The following POLQ variants were observed in gnomAD, a reference collection of about 807,000 sequenced individuals.
POLQ encodes DNA polymerase theta, also known as epididymis secretory sperm binding protein.
Under a neutral mutation model 259.2 loss-of-function variants are expected in POLQ, and 233 were observed. The observed-to-expected ratio is 0.90, with a 90% CI of 0.81 to 1.00. The LOEUF (loss-of-function observed/expected upper bound fraction) is 1.00. Among genes scored for constraint, POLQ ranks in the 50% least tolerant of loss-of-function variants. The probability of loss-of-function intolerance (pLI) is 0.00; values close to 1 mark genes in which losing one functional copy is unlikely to be tolerated. For missense variants in POLQ, 2,871 were observed against 3,051.6 expected (o/e 0.94, Z 1.39); for synonymous variants, 1,025 against 1,048.8 (o/e 0.98, Z 0.44).
In POLQ at chr3:121,459,575, G is replaced by C. The variant is rs1261514083; in HGVS notation, c.7152+475C>G. 2.0e-5 allele frequency among the ~76,000 whole-genome samples: 3 copies of C among 151,986 alleles called. No homozygotes were observed. The South Asian group carries it at 6.2e-4, about 32-fold the overall frequency. On this transcript the variant is annotated intron_variant, in intron 25 of 29. Coordinates refer to ENST00000264233, the MANE Select transcript of POLQ (RefSeq NM_199420.4). Reference sequence around the variant, plus strand: ...TTTTTGTATTTTTAGTAGAGACGGGGTTTCACTGTGTTAGCCAGGATAGTC... The same window carrying C: ...TTTTTGTATTTTTAGTAGAGACGGGCTTTCACTGTGTTAGCCAGGATAGTC...
chr3:121,509,676 C>T lies in POLQ; in HGVS notation c.1844G>A (p.Gly615Asp), dbSNP rs758122342. The T allele has an allele frequency of 1.9e-6, 3 of 1,613,698 alleles. No individual in the cohort carries two copies. Among genetic ancestry groups the T allele is most frequent in the Middle Eastern group, 1.7e-4 (1 of 6,056 alleles). Reference sequence around the variant, plus strand: ...AAGTGAAGAAGAAAGAGTGGCCGAACCAAGATGTGTTGGATGATACACCTT... The same window carrying T: ...AAGTGAAGAAGAAAGAGTGGCCGAATCAAGATGTGTTGGATGATACACCTT... ...EGKVYHPTHL[G>D]SATLSSSLSP... The change falls in exon 12 of 30, where the codon GGT becomes GAT. Residue 615 changes from glycine to aspartate, a missense_variant. By Grantham distance (94) the Gly-to-Asp change is moderately conservative. This residue lies in a region of POLQ where 783 missense variants were observed against 906.2 expected (regional missense o/e 0.86). Transcript: ENST00000264233.
Position 121,476,586 on chromosome 3 carries a change from A to G in POLQ, c.6359T>C (p.Leu2120Pro). 3 of 1,613,926 alleles carry G rather than the reference A, an allele frequency of 1.9e-6. No individual in the cohort carries two copies. Among genetic ancestry groups the G allele is most frequent in the Non-Finnish European group, 2.5e-6 (3 of 1,179,892 alleles). ...LDAIETQAYQLAGHSFSFTSS... is the reference protein window; with the variant it reads ...LDAIETQAYQPAGHSFSFTSS... ...GGTGAAAGAAAAACTGTGGCCAGCT[A>G]GTTGATAGGCCTGGGTCTCAATTGC... The change falls in exon 20 of 30, where the codon CTA becomes CCA. Residue 2120 changes from leucine (L) to proline (P), a missense_variant. Transcript: ENST00000264233.
intron 4 of POLQ, among the ~76,000 whole-genome samples, chr3:121,538,733 A>G (rs184693220): frequency 8.5e-5 from 13 of 152,246 alleles, no homozygotes; most frequent in Admixed American, 6.5e-4. Context: ...TCTGATACAA[A>G]TCAATTGCAA....
At chr3:121,503,417 A>G (rs2108804841) in intron 12 of POLQ, among the ~76,000 whole-genome samples, 1 of 152,360 alleles carries the variant, frequency 6.6e-6, no homozygotes, top group Non-Finnish European at 1.5e-5. Context: ...TCATTCAAAA[A>G]AGAGCAGTAA....
At chr3:121,471,307 A>C (rs1046762839) in intron 22 of POLQ, among the ~76,000 whole-genome samples, 10 of 152,046 alleles carry the variant, frequency 6.6e-5, no homozygotes, top group African/African-American at 2.4e-4. Flanking sequence ...CTCAGATTCA[A>C]CTTGGAGAAA....
intron 23 of POLQ, among the ~76,000 whole-genome samples, chr3:121,467,908 C>T (rs571260907): frequency 1.3e-5 from 2 of 152,276 alleles, no homozygotes; most frequent in African/African-American, 4.8e-5. Flanking sequence ...TGGCACACGC[C>T]TGTGGTCCCA....
intron 25 of POLQ, among the ~76,000 whole-genome samples, chr3:121,459,217 A>G (rs1251250747): frequency 6.6e-6 from 1 of 152,174 alleles, no homozygotes; most frequent in Admixed American, 6.5e-5. Context: ...CTAAAAAGCT[A>G]TCAGGTACTA....
intron 7 of POLQ, among the ~76,000 whole-genome samples, chr3:121,527,001 T>G (rs1037867055): frequency 6.6e-6 from 1 of 152,006 alleles, no homozygotes; most frequent in African/African-American, 2.4e-5. Flanking sequence ...CCTCCCAGGC[T>G]CAAACGATCC....
chr3:121,468,027 C>T (rs573617811), intron 23 of POLQ, among the ~76,000 whole-genome samples: 1 of 151,816 alleles, frequency 6.6e-6, no homozygotes, highest in Non-Finnish European at 1.5e-5. Context: ...AGCAAGACTC[C>T]GTCTCAAAAA....
At chr3:121,538,060 G>T (rs1283684849) in intron 4 of POLQ, among the ~76,000 whole-genome samples, 1 of 152,022 alleles carries the variant, frequency 6.6e-6, no homozygotes, top group Non-Finnish European at 1.5e-5. Context: ...TTCTAAATTG[G>T]CAACTTCACC....
At position 121,488,495 on chromosome 3, in the gene POLQ, G is replaced by A. The variant is rs1257074919; in HGVS notation, c.4436C>T (p.Pro1479Leu). Reference protein sequence around the residue: ...TGVEGECLPVPETSLNMSDSL... With the variant: ...TGVEGECLPVLETSLNMSDSL... ...ATCACTCATATTCAAACTTGTTTCA[G>A]GAACTGGAAGACATTCTCCTTCTAC... Residue 1479 changes from proline to leucine, a missense_variant, in exon 16 of 30, where the codon CCT becomes CTT. Pro to Leu is a moderately conservative substitution (Grantham distance 98). Transcript: ENST00000264233. The A allele has an allele frequency of 2.5e-6, 4 of 1,608,334 alleles. No individual in the cohort carries two copies. The highest frequency in any genetic ancestry group is 3.4e-6 in the Non-Finnish European group (4 of 1,178,006).
At chr3:121,477,489 AAC>A (rs751248807) in intron 19 of POLQ, among the ~76,000 whole-genome samples, 90 of 152,302 alleles carry the variant, frequency 5.9e-4, no homozygotes, top group Non-Finnish European at 1.0e-3. Context: ...TGAAACGTAA[AAC>A]ACTTCTGGTC....
chr3:121,534,755 A>G (rs1218136206), intron 5 of POLQ, among the ~76,000 whole-genome samples: 1 of 152,164 alleles, frequency 6.6e-6, no homozygotes, highest in African/African-American at 2.4e-5. Flanking sequence ...TTGTTAAGAG[A>G]TATTTTTATT....
chr3:121,474,105 C>T lies in POLQ; in HGVS notation c.6406-618G>A, dbSNP rs1440314341. On this transcript the variant is annotated intron_variant, in intron 20 of 29. Coordinates refer to ENST00000264233, the MANE Select transcript of POLQ (RefSeq NM_199420.4). ...GGCAAACAAGTTATTGACATTGAGACTTATTGCTCTAAGAATTGTGAGCTC... is the reference window on the plus strand; with the variant it reads ...GGCAAACAAGTTATTGACATTGAGATTTATTGCTCTAAGAATTGTGAGCTC... 2.6e-5 allele frequency among the ~76,000 whole-genome samples: 4 copies of T among 152,316 alleles called. No homozygotes were observed. The East Asian group carries it at 7.7e-4, about 29-fold the overall frequency.
chr3:121,455,771 C>T (rs993164597), intron 25 of POLQ, among the ~76,000 whole-genome samples: 1 of 152,088 alleles, frequency 6.6e-6, no homozygotes, highest in South Asian at 2.1e-4. Context: ...GAGTCCAGGA[C>T]CAGATGGATT....
At chr3:121,523,197 A>C (rs1360425172) in intron 7 of POLQ, among the ~76,000 whole-genome samples, 1 of 149,652 alleles carries the variant, frequency 6.7e-6, no homozygotes, top group African/African-American at 2.5e-5. Context: ...TTTTTTTTTC[A>C]CTTGTAGAGA....
chr3:121,517,417 G>C (rs1374207550), intron 9 of POLQ, among the ~76,000 whole-genome samples: 1 of 151,970 alleles, frequency 6.6e-6, no homozygotes, highest in Non-Finnish European at 1.5e-5. Context: ...TAAAAGAAAG[G>C]CTGACCAATG....
chr3:121,537,838 G>A (rs1163784394), intron 4 of POLQ, among the ~76,000 whole-genome samples: 2 of 151,896 alleles, frequency 1.3e-5, no homozygotes, highest in East Asian at 3.8e-4. Flanking sequence ...TTCCCACACA[G>A]TGATATAAGA....
intron 3 of POLQ, among the ~76,000 whole-genome samples, chr3:121,539,869 T>C (rs1429711601): frequency 1.3e-5 from 2 of 152,130 alleles, no homozygotes; most frequent in East Asian, 1.9e-4. Context: ...GGAATTAAAA[T>C]TGGAGAAAAA....
Sources: gnomAD v4.1 joint callset for allele counts (sites outside exome capture counted in the v4.1 genomes callset) on GRCh38, gnomAD v4.1.1 for gene constraint, gnomAD v4.1.1 regional missense constraint, MANE v1.5 for transcripts, NCBI Gene and HGNC (gene_info 2026-07-23, HGNC 2026-07-21) for gene names.